The following AGBL4 variants were observed in gnomAD, a reference collection of about 807,000 sequenced individuals.
AGBL4 encodes the protein cytosolic carboxypeptidase 6.
Under a neutral mutation model 66.4 loss-of-function variants are expected in AGBL4, and 58 were observed. The ratio of observed to expected loss-of-function variants is 0.87; its 90% CI spans 0.71 to 1.09. The LOEUF is 1.09. Among genes scored for constraint, AGBL4 ranks in the 50% least tolerant of loss-of-function variants. AGBL4 has a pLI of 0.00. For missense variants in AGBL4, 579 were observed against 631.0 expected (o/e 0.92, Z 0.88); for synonymous variants, 234 against 222.9 (o/e 1.05, Z -0.44).
intron 3 of AGBL4, among the ~76,000 whole-genome samples, chr1:49,313,381 T>C (rs1644977387): frequency 6.6e-6 from 1 of 152,162 alleles, no homozygotes; most frequent in African/African-American, 2.4e-5. Context: ...ATCCTTTGGG[T>C]ATATACCCAG....
At chr1:49,003,266 C>T (rs1461338627) in intron 5 of AGBL4, among the ~76,000 whole-genome samples, 4 of 152,030 alleles carry the variant, frequency 2.6e-5, no homozygotes, top group African/African-American at 4.8e-5. Flanking sequence ...GGCGTGGTGG[C>T]ACATGCCTGT....
intron 3 of AGBL4, among the ~76,000 whole-genome samples, chr1:49,657,195 C>T (rs1384829632): frequency 6.6e-6 from 1 of 152,172 alleles, no homozygotes; most frequent in Admixed American, 6.5e-5. Context: ...AAATCACAAA[C>T]ATTCTTATAC....
intron 4 of AGBL4, among the ~76,000 whole-genome samples, chr1:49,207,167 A>T (rs1648217016): frequency 6.6e-6 from 1 of 152,120 alleles, no homozygotes; most frequent in African/African-American, 2.4e-5. Flanking sequence ...GCGAACTATA[A>T]TGCAGTCTCA....
At chr1:49,372,582 C>A (rs1644369253) in intron 3 of AGBL4, among the ~76,000 whole-genome samples, 1 of 151,656 alleles carries the variant, frequency 6.6e-6, no homozygotes, top group Non-Finnish European at 1.5e-5. Flanking sequence ...CCAGTTCAAT[C>A]TTTCTTTCTT....
intron 2 of AGBL4, among the ~76,000 whole-genome samples, chr1:49,817,133 T>G (rs1645251911): frequency 6.6e-6 from 1 of 152,216 alleles, no homozygotes; most frequent in Non-Finnish European, 1.5e-5. Flanking sequence ...CATATTTTCC[T>G]TCTTATAATT....
At chr1:49,325,614 G>A (rs773721759) in intron 3 of AGBL4, among the ~76,000 whole-genome samples, 37 of 152,242 alleles carry the variant, frequency 2.4e-4, no homozygotes, top group African/African-American at 3.6e-4. Flanking sequence ...TTTAATAACC[G>A]ATTCAAGAAA....
In AGBL4 at chr1:49,657,549, AG is replaced by A. The variant is rs1176754313; in HGVS notation, c.282+39763del. On this transcript the variant is annotated intron_variant, in intron 3 of 13. Transcript: ENST00000371839. ...AACCAAAAAAGAACCCACATTGCCA[AG>A]ACAATCCTAAACCAAAAGAACAAAG... Among the ~76,000 whole-genome samples the A allele has an allele frequency of 2.0e-5, 3 of 152,354 alleles. No homozygotes were observed. The East Asian group carries it at 5.8e-4, about 29-fold the overall frequency.
intron 1 of AGBL4, among the ~76,000 whole-genome samples, chr1:49,966,314 A>C (rs947650687): frequency 2.0e-5 from 3 of 152,158 alleles, no homozygotes; most frequent in African/African-American, 7.2e-5. Flanking sequence ...ATATTGTTAC[A>C]TAATTGTAAT....
At chr1:49,745,981 C>T (rs776975198) in intron 2 of AGBL4, among the ~76,000 whole-genome samples, 9 of 151,960 alleles carry the variant, frequency 5.9e-5, no homozygotes, top group Non-Finnish European at 1.0e-4. Context: ...AGAAATTATG[C>T]ATAATTAAAT....
At chr1:49,475,728 A>G (rs1646833299) in intron 3 of AGBL4, among the ~76,000 whole-genome samples, 1 of 152,102 alleles carries the variant, frequency 6.6e-6, no homozygotes. Context: ...AAATGTTCAC[A>G]GTAGTCTCTG....
chr1:48,780,850 T>C (rs991160794), intron 6 of AGBL4, among the ~76,000 whole-genome samples: 1 of 152,202 alleles, frequency 6.6e-6, no homozygotes, highest in Non-Finnish European at 1.5e-5. Flanking sequence ...GGTAATACCA[T>C]TCAGGACATA....
At chr1:49,237,139 T>C (rs1053462755) in intron 4 of AGBL4, among the ~76,000 whole-genome samples, 21 of 151,834 alleles carry the variant, frequency 1.4e-4, no homozygotes, top group Non-Finnish European at 2.2e-4. Context: ...GGCAGGCGCC[T>C]GTAGTCCCAG....
At chr1:49,542,389 C>T (rs1422011888) in intron 3 of AGBL4, among the ~76,000 whole-genome samples, 3 of 152,080 alleles carry the variant, frequency 2.0e-5, no homozygotes, top group Non-Finnish European at 2.9e-5. Context: ...CCTGAGCCAG[C>T]GAGACCACGA....
At chr1:49,129,667 T>G (rs1447603772) in intron 4 of AGBL4, among the ~76,000 whole-genome samples, 2 of 152,266 alleles carry the variant, frequency 1.3e-5, no homozygotes, top group Non-Finnish European at 2.9e-5. Context: ...GGCTGCATAG[T>G]ATTCCATGGT....
intron 3 of AGBL4, among the ~76,000 whole-genome samples, chr1:49,545,370 T>G (rs1472442268): frequency 6.6e-6 from 1 of 152,188 alleles, no homozygotes; most frequent in Non-Finnish European, 1.5e-5. Flanking sequence ...CATGTGAGTT[T>G]GGAGGATAAT....
At chr1:49,640,363 G>A (rs1050941874) in intron 3 of AGBL4, among the ~76,000 whole-genome samples, 1 of 152,066 alleles carries the variant, frequency 6.6e-6, no homozygotes, top group Non-Finnish European at 1.5e-5. Context: ...TCTGTAAAAG[G>A]AACTCAGGGC....
intron 2 of AGBL4, among the ~76,000 whole-genome samples, chr1:49,714,839 G>C (rs1043710334): frequency 3.3e-5 from 5 of 151,418 alleles, no homozygotes; most frequent in Non-Finnish European, 5.9e-5. Context: ...TTAATTCTTT[G>C]AGAAATCTCC....
chr1:50,013,018 C>A (rs576716574), intron 1 of AGBL4, among the ~76,000 whole-genome samples: 4 of 152,248 alleles, frequency 2.6e-5, no homozygotes, highest in African/African-American at 9.6e-5. Context: ...AGAATATAAC[C>A]ACTTCCAATT....
intron 2 of AGBL4, among the ~76,000 whole-genome samples, chr1:49,834,583 G>A (rs1451236970): frequency 1.3e-5 from 2 of 152,040 alleles, no homozygotes; most frequent in African/African-American, 2.4e-5. Flanking sequence ...CTTCAGTTCT[G>A]CTCTGATCTT....
Sources: allele counts gnomAD v4.1 joint callset (sites outside exome capture counted in the v4.1 genomes callset), GRCh38; gene constraint gnomAD v4.1.1; transcripts MANE v1.5; gene names NCBI Gene and HGNC (gene_info 2026-07-23, HGNC 2026-07-21).